The following STK32B variants were observed in gnomAD, a reference collection of about 807,000 sequenced individuals.
STK32B encodes serine/threonine kinase 32B.
A neutral mutation model predicts 52.6 loss-of-function variants in STK32B; 43 were observed. The observed-to-expected ratio is 0.82, with a 90% CI of 0.64 to 1.05. STK32B has a LOEUF of 1.05. Ranked by LOEUF, STK32B falls within the 50% of genes least tolerant of loss-of-function variation. The pLI, the probability that STK32B is intolerant of heterozygous loss-of-function variation, is 0.00. For missense variants in STK32B, 621 were observed against 534.6 expected, an observed-to-expected ratio of 1.16 and a Z score of -1.59; for synonymous variants, 238 against 204.3, an observed-to-expected ratio of 1.17 and a Z score of -1.41.
chr4:5,031,113 C>G, the STK32B span, among the ~76,000 whole-genome samples: 2 of 152,128 alleles, frequency 1.3e-5, no homozygotes, highest in Non-Finnish European at 2.9e-5. Context: ...GGGTCTCAGA[C>G]TTTTTCTGAG....
At chr4:5,272,073 G>A (rs1362568678) in intron 3 of STK32B, among the ~76,000 whole-genome samples, 1 of 147,554 alleles carries the variant, frequency 6.8e-6, no homozygotes, top group Non-Finnish European at 1.5e-5. Context: ...GGGCATCCCT[G>A]TCTTGTGCCA....
At chr4:5,190,847 G>A (rs1721136510) in intron 3 of STK32B, among the ~76,000 whole-genome samples, 1 of 152,086 alleles carries the variant, frequency 6.6e-6, no homozygotes, top group Non-Finnish European at 1.5e-5. Flanking sequence ...TACTATTATA[G>A]ATGGGGAAAC....
At chr4:5,039,737 T>C in the STK32B span, among the ~76,000 whole-genome samples, 1 of 152,258 alleles carries the variant, frequency 6.6e-6, no homozygotes, top group Admixed American at 6.5e-5. Context: ...CCAGTACCAC[T>C]GCAAACACGT....
chr4:5,478,676 T>G (rs896850979), intron 11 of STK32B, among the ~76,000 whole-genome samples: 3 of 152,198 alleles, frequency 2.0e-5, no homozygotes, highest in Non-Finnish European at 4.4e-5. Flanking sequence ...AAGAATCGTT[T>G]ACATGGAGTG....
intron 1 of STK32B, among the ~76,000 whole-genome samples, chr4:5,096,906 G>T (rs1371353433): frequency 6.6e-6 from 1 of 152,182 alleles, no homozygotes; most frequent in Non-Finnish European, 1.5e-5. Context: ...CCTGCTAAGT[G>T]CCAGGCACTC....
At chr4:5,224,338 G>C (rs545511788) in intron 3 of STK32B, among the ~76,000 whole-genome samples, 1 of 152,200 alleles carries the variant, frequency 6.6e-6, no homozygotes, top group Non-Finnish European at 1.5e-5. Flanking sequence ...CTTAGCTCCA[G>C]CTTGTCAGAA....
chr4:5,220,400 G>C (rs921922945), intron 3 of STK32B, among the ~76,000 whole-genome samples: 32 of 152,208 alleles, frequency 2.1e-4, no homozygotes, highest in Admixed American at 1.8e-3. Context: ...ATAGAGAGTA[G>C]TAAACAAAGG....
chr4:5,392,859 GCTGTTAATA>G (rs1736670397), intron 4 of STK32B, among the ~76,000 whole-genome samples: 1 of 152,136 alleles, frequency 6.6e-6, no homozygotes, highest in Admixed American at 6.5e-5. Flanking sequence ...ATAAAGTTTA[GCTGTTAATA>G]CTGTCAGGAC....
chr4:5,316,387 T>A (rs867289986), intron 3 of STK32B, among the ~76,000 whole-genome samples: 481 of 41,780 alleles, frequency 0.012, 27 homozygotes, highest in African/African-American at 0.048. Context: ...ATTATATATA[T>A]AATATATTAC....
At chr4:5,060,251 C>T (rs1251083766) in intron 1 of STK32B, among the ~76,000 whole-genome samples, 1 of 152,200 alleles carries the variant, frequency 6.6e-6, no homozygotes, top group African/African-American at 2.4e-5. Flanking sequence ...CAGGTGTGAG[C>T]CACTGTGCCC....
At chr4:5,201,817 G>T (rs1722171475) in intron 3 of STK32B, among the ~76,000 whole-genome samples, 1 of 152,104 alleles carries the variant, frequency 6.6e-6, no homozygotes, top group African/African-American at 2.4e-5. Context: ...GGGGTAAACT[G>T]GTCCCATGAT....
intron 3 of STK32B, among the ~76,000 whole-genome samples, chr4:5,172,231 A>G (rs1252652769): frequency 3.3e-5 from 5 of 152,148 alleles, no homozygotes; most frequent in Non-Finnish European, 5.9e-5. Context: ...GGTTTTCTAG[A>G]TATACAATCA....
chr4:5,282,339 T>C (rs972637386), intron 3 of STK32B, among the ~76,000 whole-genome samples: 1 of 152,150 alleles, frequency 6.6e-6, no homozygotes, highest in Non-Finnish European at 1.5e-5. Flanking sequence ...AATGCCACAA[T>C]ATAGTTAGCC....
chr4:5,492,610 A>G (rs570811276), intron 11 of STK32B, among the ~76,000 whole-genome samples: 1,705 of 149,200 alleles, frequency 0.011, 20 homozygotes, highest in Non-Finnish European at 0.017. Flanking sequence ...TTCCAACACT[A>G]TGTTGAATAG....
intron 3 of STK32B, among the ~76,000 whole-genome samples, chr4:5,241,754 G>T (rs1170445505): frequency 6.6e-6 from 1 of 152,050 alleles, no homozygotes; most frequent in East Asian, 1.9e-4. Context: ...AGTCCCTGGT[G>T]TGTGATGTTC....
At chr4:5,432,809 G>C (rs1447120313) in intron 6 of STK32B, among the ~76,000 whole-genome samples, 2 of 151,948 alleles carry the variant, frequency 1.3e-5, no homozygotes, top group Non-Finnish European at 2.9e-5. Context: ...AATAATACTA[G>C]ATACCATTTA....
At chr4:5,155,382 GTT>G (rs1717733011) in intron 2 of STK32B, among the ~76,000 whole-genome samples, 1 of 152,176 alleles carries the variant, frequency 6.6e-6, no homozygotes, top group Non-Finnish European at 1.5e-5. Context: ...GGGCAGCAAT[GTT>G]TCCTCTTGTT....
At chr4:5,064,758 A>T (rs1742349068) in intron 1 of STK32B, among the ~76,000 whole-genome samples, 1 of 111,630 alleles carries the variant, frequency 9.0e-6, no homozygotes, top group Admixed American at 1.3e-4. Flanking sequence ...TATAATATAT[A>T]AATATATACT....
intron 8 of STK32B, 129 bp downstream of exon 8, chr4:5,457,052 T>TCAAATGC (rs2109142512): frequency 1.6e-6 from 1 of 629,598 alleles, no homozygotes; most frequent in East Asian, 3.0e-5. Context: ...TCAGCTGCGC[T>TCAAATGC]CAAATGCCAA....
Sources: allele counts gnomAD v4.1 joint callset (sites outside exome capture counted in the v4.1 genomes callset), GRCh38; gene constraint gnomAD v4.1.1; transcripts MANE v1.5; gene names NCBI Gene and HGNC (gene_info 2026-07-23, HGNC 2026-07-21).